The following DTNA variants were observed in gnomAD, a reference collection of about 807,000 sequenced individuals.
DTNA encodes the protein dystrobrevin alpha, also known as dystrophin-related protein 3.
In DTNA, 43 loss-of-function variants were observed where a neutral mutation model predicts 100.7. The ratio of observed to expected loss-of-function variants is 0.43; its 90% confidence interval spans 0.33 to 0.55. DTNA has a LOEUF of 0.55. Among genes scored for constraint, DTNA ranks in the 20% least tolerant of loss-of-function variants. The pLI, the probability that DTNA is intolerant of heterozygous loss-of-function variation, is 0.04. For missense variants in DTNA, 798 were observed against 953.9 expected, an observed-to-expected ratio of 0.84 and a Z score of 2.15; for synonymous variants, 349 against 347.9, an observed-to-expected ratio of 1.00 and a Z score of -0.04.
At chr18:34,654,447 G>A (rs1219830701) in intron 1 of DTNA, among the ~76,000 whole-genome samples, 3 of 152,158 alleles carry the variant, frequency 2.0e-5, no homozygotes, top group African/African-American at 7.2e-5. Flanking sequence ...ATGAGGAAAC[G>A]CTTTTAGAGA....
intron 1 of DTNA, among the ~76,000 whole-genome samples, chr18:34,732,922 G>A (rs756327408): frequency 2.6e-5 from 4 of 152,136 alleles, no homozygotes; most frequent in Admixed American, 2.0e-4. Context: ...TGAGTCCGGG[G>A]ATCCTCTGGA....
intron 1 of DTNA, among the ~76,000 whole-genome samples, chr18:34,507,813 C>T (rs2040637290): frequency 6.6e-6 from 1 of 152,160 alleles, no homozygotes; most frequent in Non-Finnish European, 1.5e-5. Context: ...GCCAGCTATA[C>T]AGGGGATTGT....
intron 1 of DTNA, among the ~76,000 whole-genome samples, chr18:34,697,684 A>T (rs553591636): frequency 6.6e-6 from 1 of 152,188 alleles, no homozygotes; most frequent in Non-Finnish European, 1.5e-5. Flanking sequence ...TGTATGAAAT[A>T]GAGCGAGGCT....
chr18:34,720,571 A>G (rs2085074174), intron 1 of DTNA, among the ~76,000 whole-genome samples: 2 of 152,172 alleles, frequency 1.3e-5, no homozygotes, highest in Admixed American at 1.3e-4. Context: ...GATTCTGAGT[A>G]ATCAGAAGTT....
chr18:34,539,179 A>T (rs1235268823), intron 1 of DTNA, among the ~76,000 whole-genome samples: 1 of 151,922 alleles, frequency 6.6e-6, no homozygotes, highest in African/African-American at 2.4e-5. Flanking sequence ...TGATCTCTTA[A>T]TGCAGGTTTT....
intron 3 of DTNA, among the ~76,000 whole-genome samples, chr18:34,790,054 A>G (rs2094650865): frequency 6.6e-6 from 1 of 152,224 alleles, no homozygotes; most frequent in Admixed American, 6.5e-5. Context: ...ACTATGCCTT[A>G]TTGCATTTTA....
At chr18:34,698,623 TCA>T (rs928402726) in intron 1 of DTNA, among the ~76,000 whole-genome samples, 2 of 152,178 alleles carry the variant, frequency 1.3e-5, no homozygotes, top group African/African-American at 4.8e-5. Context: ...GAGTATTGAC[TCA>T]CACGATCACA....
chr18:34,577,762 T>G lies in DTNA; in HGVS notation c.-2+84248T>G, dbSNP rs75948987. ...CCATCCAGGTTACTGCGAATGCCAT[T>G]AATTCATTCCTTTTTAAGGCTGAGT... On this transcript the variant is annotated intron_variant, in intron 1 of 19. Transcript: ENST00000283365. 4.1e-3 allele frequency among the ~76,000 whole-genome samples: 623 copies of G among 152,282 alleles called. 5 individuals carry two copies. Among genetic ancestry groups the G allele is most frequent in the African/African-American group, 0.014 (593 of 41,542 alleles).
intron 1 of DTNA, among the ~76,000 whole-genome samples, chr18:34,502,222 G>T (rs1254802431): frequency 2.6e-5 from 4 of 152,080 alleles, no homozygotes. Context: ...GCTATCCCAT[G>T]TTTCATTCCT....
intron 1 of DTNA, among the ~76,000 whole-genome samples, chr18:34,731,296 G>A (rs554836000): frequency 6.6e-6 from 1 of 152,152 alleles, no homozygotes; most frequent in East Asian, 1.9e-4. Flanking sequence ...TGGCTAACAA[G>A]GTGAAACCCC....
Position 34,631,461 on chromosome 18 carries a change from A to G in DTNA, c.-1-124515A>G, listed in dbSNP as rs762905559. On this transcript the variant is annotated intron_variant, in intron 1 of 19. Transcript: ENST00000283365. Reference sequence around the variant, plus strand: ...GAGAAAACTGAGATTCTAAAAGGTTACTTATAGCAAGTGTCACTGTTGATA... The same window carrying G: ...GAGAAAACTGAGATTCTAAAAGGTTGCTTATAGCAAGTGTCACTGTTGATA... 3.3e-4 allele frequency among the ~76,000 whole-genome samples: 50 copies of G among 152,220 alleles called. 1 individual carries two copies. Among genetic ancestry groups the G allele is most frequent in the Non-Finnish European group, 7.3e-5 (5 of 68,038 alleles).
chr18:34,806,393 T>G, intron 5 of DTNA, 89 bp downstream of exon 5: 1 of 1,060,514 alleles, frequency 9.4e-7, no homozygotes, highest in Non-Finnish European at 1.4e-6. Context: ...CCCCTCCCCA[T>G]TTGTATCTTT....
intron 1 of DTNA, among the ~76,000 whole-genome samples, chr18:34,718,392 T>C (rs924818591): frequency 6.6e-6 from 1 of 152,236 alleles, no homozygotes; most frequent in Non-Finnish European, 1.5e-5. Flanking sequence ...TTTAAAAGTA[T>C]ATAATTAGGC....
rs1278213066 is a variant in DTNA at position 34,888,766 on chromosome 18, G to C, written c.*1032G>C. 1 of 985,740 alleles carries C rather than the reference G, an allele frequency of 1.0e-6. No individual in the cohort carries two copies. The highest frequency in any genetic ancestry group is 1.2e-6 in the Non-Finnish European group (1 of 829,946). The allele number at this position is 985,740 out of a possible 1,614,324, so 61.1% of individuals were successfully genotyped here. A position where few individuals can be genotyped will look rare whatever the true frequency, so the allele number is the denominator to read the frequency against. ...GGCTTTAGGAAGCATGTCTTTAACA[G>C]CACCGCTCGTTCACAAGTTCCCCCA... is the stretch of plus-strand genomic sequence containing the variant. On this transcript the variant is annotated 3_prime_UTR_variant, in exon 23 of 23. Coordinates refer to ENST00000444659, the MANE Select transcript of DTNA (RefSeq NM_001386795.1).
At chr18:34,540,790 C>T (rs2044175292) in intron 1 of DTNA, among the ~76,000 whole-genome samples, 1 of 152,032 alleles carries the variant, frequency 6.6e-6, no homozygotes, top group Non-Finnish European at 1.5e-5. Flanking sequence ...AAACTGTGCC[C>T]TATAAAAACT....
At chr18:34,759,920 G>C (rs1204808199) in intron 2 of DTNA, 1 of 152,154 alleles carries the variant, frequency 6.6e-6, no homozygotes, top group Non-Finnish European at 1.5e-5. Flanking sequence ...CTGATCTTAA[G>C]TGAAACACCC....
chr18:34,549,850 A>G (rs1031150946), intron 1 of DTNA, among the ~76,000 whole-genome samples: 31 of 152,084 alleles, frequency 2.0e-4, no homozygotes, highest in African/African-American at 7.0e-4. Flanking sequence ...TGGGCCTCAT[A>G]AAGGGTAACT....
chr18:34,514,264 G>C (rs906897510), intron 1 of DTNA, among the ~76,000 whole-genome samples: 1 of 152,198 alleles, frequency 6.6e-6, no homozygotes, highest in East Asian at 1.9e-4. Flanking sequence ...GTATAAAACA[G>C]TAGTTCAAGC....
At chr18:34,815,148 C>T (rs1409617816) in intron 6 of DTNA, among the ~76,000 whole-genome samples, 2 of 151,914 alleles carry the variant, frequency 1.3e-5, no homozygotes, top group Non-Finnish European at 2.9e-5. Context: ...ATCCCATCCC[C>T]TTTGATATTC....
Sources: allele counts gnomAD v4.1 joint callset (sites outside exome capture counted in the v4.1 genomes callset), GRCh38; gene constraint gnomAD v4.1.1; transcripts MANE v1.5; gene names NCBI Gene and HGNC (gene_info 2026-07-23, HGNC 2026-07-21).